ROBO2: variants seen among roughly 807,000 people sequenced by gnomAD.
ROBO2 encodes the protein roundabout guidance receptor 2.
Under a neutral mutation model 160.8 loss-of-function variants are expected in ROBO2, and 53 were observed. That is an observed-to-expected ratio of 0.33 (90% CI 0.26 to 0.41). The LOEUF (loss-of-function observed/expected upper bound fraction) is 0.41. ROBO2 is among the 10% of genes least tolerant of loss of function. The pLI is 1.00. For synonymous variants in ROBO2, 664 were observed against 611.7 expected (o/e 1.09, Z -1.26); for missense variants, 1,577 against 1,722.4 (o/e 0.92, Z 1.49).
intron 2 of ROBO2, among the ~76,000 whole-genome samples, chr3:77,288,852 C>G (rs535627690): frequency 2.6e-5 from 4 of 152,176 alleles, no homozygotes; most frequent in African/African-American, 9.6e-5. Flanking sequence ...ATTATAGTAT[C>G]ATGGAGAATA....
chr3:76,128,738 ACAGT>A (rs1323761365), intron 2 of ROBO2, among the ~76,000 whole-genome samples: 3 of 152,084 alleles, frequency 2.0e-5, no homozygotes, highest in Non-Finnish European at 4.4e-5. Flanking sequence ...TCAGTCATTG[ACAGT>A]CAAAGAATAT....
At chr3:77,119,821 G>A (rs759484814) in intron 2 of ROBO2, among the ~76,000 whole-genome samples, 4 of 152,136 alleles carry the variant, frequency 2.6e-5, no homozygotes, top group Non-Finnish European at 5.9e-5. Flanking sequence ...CGGTTTTATG[G>A]AATTCACATC....
At chr3:76,498,524 TAATA>T (rs1182759076) in intron 2 of ROBO2, among the ~76,000 whole-genome samples, 2 of 151,810 alleles carry the variant, frequency 1.3e-5, no homozygotes, top group African/African-American at 2.4e-5. Context: ...AGAAATTATA[TAATA>T]AATATATATT....
At chr3:77,538,629 T>A (rs1422896868) in intron 6 of ROBO2, among the ~76,000 whole-genome samples, 1 of 152,200 alleles carries the variant, frequency 6.6e-6, no homozygotes, top group African/African-American at 2.4e-5. Flanking sequence ...GTTAATAAGC[T>A]TCAAATCCAA....
chr3:77,037,859 T>G (rs1438276755), upstream of ROBO2, among the ~76,000 whole-genome samples: 2 of 152,236 alleles, frequency 1.3e-5, no homozygotes, highest in Non-Finnish European at 2.9e-5. Flanking sequence ...TAAGTCTATA[T>G]GATGTGTTAA....
At chr3:77,341,279 G>C (rs1204303098) in intron 2 of ROBO2, among the ~76,000 whole-genome samples, 1 of 152,124 alleles carries the variant, frequency 6.6e-6, no homozygotes, top group Non-Finnish European at 1.5e-5. Flanking sequence ...TATTAGAGCA[G>C]AGGTGAAATC....
chr3:77,270,945 TAAA>T (rs34427104), intron 2 of ROBO2, among the ~76,000 whole-genome samples: 2,356 of 146,144 alleles, frequency 0.016, 63 homozygotes, highest in African/African-American at 0.051. Context: ...TCTGTCTTTT[TAAA>T]AAAAAAAAAA....
intron 2 of ROBO2, among the ~76,000 whole-genome samples, chr3:76,304,478 G>A (rs1361369034): frequency 6.6e-6 from 1 of 152,176 alleles, no homozygotes; most frequent in Non-Finnish European, 1.5e-5. Flanking sequence ...CAAGAGTTAT[G>A]AAGCTAATGC....
intron 2 of ROBO2, among the ~76,000 whole-genome samples, chr3:76,042,692 C>G (rs935344149): frequency 7.2e-5 from 11 of 151,992 alleles, no homozygotes; most frequent in African/African-American, 2.2e-4. Flanking sequence ...CCTGTCTGGC[C>G]TAAACCTAGT....
At chr3:77,388,386 G>A (rs1265802809) in intron 2 of ROBO2, among the ~76,000 whole-genome samples, 1 of 152,088 alleles carries the variant, frequency 6.6e-6, no homozygotes, top group Admixed American at 6.6e-5. Context: ...TTGCATTCTA[G>A]CCTAGGCAAC....
At chr3:77,272,282 G>C (rs1434775688) in intron 2 of ROBO2, among the ~76,000 whole-genome samples, 1 of 152,236 alleles carries the variant, frequency 6.6e-6, no homozygotes, top group South Asian at 2.1e-4. Flanking sequence ...AAGAAAAGAG[G>C]TTTAACTGTC....
intron 2 of ROBO2, among the ~76,000 whole-genome samples, chr3:76,350,953 A>G (rs2074835338): frequency 6.6e-6 from 1 of 152,002 alleles, no homozygotes; most frequent in Non-Finnish European, 1.5e-5. Context: ...GTCTTGGAAA[A>G]ATGAGTGAAA....
At chr3:76,211,086 T>G (rs1575890914) in intron 2 of ROBO2, among the ~76,000 whole-genome samples, 2 of 152,074 alleles carry the variant, frequency 1.3e-5, no homozygotes, top group South Asian at 4.1e-4. Flanking sequence ...CTTCTAATTT[T>G]CCATCCACAG....
intron 2 of ROBO2, among the ~76,000 whole-genome samples, chr3:77,405,564 G>A (rs971319358): frequency 6.6e-6 from 1 of 151,906 alleles, no homozygotes; most frequent in South Asian, 2.1e-4. Context: ...AAAATGTTTA[G>A]AAGTCAGAAT....
At position 76,548,601 on chromosome 3, in the gene ROBO2, G is replaced by A. The variant is rs141466709; in HGVS notation, c.110-549413G>A. Among the ~76,000 whole-genome samples the A allele has an allele frequency of 1.7e-4, 26 of 151,354 alleles. 1 individual carries two copies. Among genetic ancestry groups the A allele is most frequent in the Middle Eastern group, 6.9e-3 (2 of 290 alleles). ...AATAAATATGGAAAGAAATTCCATC[G>A]CTTATCACTTTTATTCCTGGGAACC... On this transcript the variant is annotated intron_variant, in intron 2 of 26. Coordinates refer to the ROBO2 transcript ENST00000487694.
chr3:76,493,341 A>ATATATATATATATATATATATATT (rs2079945741), intron 2 of ROBO2, among the ~76,000 whole-genome samples: 1 of 97,900 alleles, frequency 1.0e-5, no homozygotes, highest in Non-Finnish European at 2.1e-5. Context: ...AAAAAATTAT[A>ATATATATATATATATATATATATT]TATATATATA....
At chr3:77,157,878 G>A (rs1302015476) in intron 2 of ROBO2, among the ~76,000 whole-genome samples, 1 of 151,996 alleles carries the variant, frequency 6.6e-6, no homozygotes, top group Non-Finnish European at 1.5e-5. Flanking sequence ...GGGAGTTGTG[G>A]GAGATAAACA....
intron 2 of ROBO2, among the ~76,000 whole-genome samples, chr3:76,166,965 G>C (rs1269086799): frequency 6.6e-6 from 1 of 152,012 alleles, no homozygotes; most frequent in Non-Finnish European, 1.5e-5. Flanking sequence ...TTGTTTTTAA[G>C]ACAGAGTCTC....
chr3:77,214,804 G>A (rs996691225), intron 2 of ROBO2, among the ~76,000 whole-genome samples: 14 of 152,186 alleles, frequency 9.2e-5, no homozygotes, highest in Non-Finnish European at 1.3e-4. Flanking sequence ...GCATTTGCTC[G>A]TCTGTAAAGT....
Sources: gnomAD v4.1 joint callset for allele counts (sites outside exome capture counted in the v4.1 genomes callset) on GRCh38, gnomAD v4.1.1 for gene constraint, MANE v1.5 for transcripts, NCBI Gene and HGNC (gene_info 2026-07-23, HGNC 2026-07-21) for gene names.